Variants in SPOCK1 observed in about 807,000 individuals in gnomAD.
SPOCK1 encodes testican-1.
A neutral mutation model predicts 55.3 loss-of-function variants in SPOCK1; 23 were observed. The ratio of observed to expected loss-of-function variants is 0.42; its 90% confidence interval spans 0.30 to 0.59. The LOEUF (loss-of-function observed/expected upper bound fraction) is 0.59. SPOCK1 is among the 20% of genes least tolerant of loss of function. The pLI is 0.22. For synonymous variants in SPOCK1, 226 were observed against 221.0 expected (o/e 1.02, Z -0.20); for missense variants, 499 against 552.5 (o/e 0.90, Z 0.97).
intron 2 of SPOCK1, among the ~76,000 whole-genome samples, chr5:137,486,536 T>C (rs1026295577): frequency 6.6e-6 from 1 of 152,224 alleles, no homozygotes; most frequent in Non-Finnish European, 1.5e-5. Context: ...CCTAAGTGCA[T>C]AGCACGGTGC....
chr5:137,201,817 C>A (rs1348497012), intron 3 of SPOCK1, among the ~76,000 whole-genome samples: 1 of 152,166 alleles, frequency 6.6e-6, no homozygotes, highest in Non-Finnish European at 1.5e-5. Context: ...CATACCAATA[C>A]TCTATCAACT....
intron 2 of SPOCK1, among the ~76,000 whole-genome samples, chr5:137,445,598 G>A (rs1479470036): frequency 3.9e-5 from 6 of 152,162 alleles, no homozygotes; most frequent in Admixed American, 1.3e-4. Flanking sequence ...CCCAAGAAAG[G>A]TTAATTCAAG....
At chr5:137,263,336 T>C (rs1036197996) in intron 3 of SPOCK1, among the ~76,000 whole-genome samples, 8 of 152,212 alleles carry the variant, frequency 5.3e-5, no homozygotes, top group South Asian at 2.1e-4. Flanking sequence ...AATGGTTTTC[T>C]TGGGGAAGCA....
chr5:137,436,330 G>T (rs1349157609), intron 2 of SPOCK1, among the ~76,000 whole-genome samples: 2 of 152,068 alleles, frequency 1.3e-5, no homozygotes, highest in African/African-American at 4.8e-5. Context: ...TATATAGGGT[G>T]AGGAAAGGCT....
intron 3 of SPOCK1, among the ~76,000 whole-genome samples, chr5:137,193,536 T>C (rs1033871928): frequency 2.0e-5 from 3 of 152,136 alleles, no homozygotes; most frequent in African/African-American, 4.8e-5. Context: ...TTAAGTGAGA[T>C]ACAGAAATCT....
chr5:137,472,573 T>A (rs758910138), intron 2 of SPOCK1, among the ~76,000 whole-genome samples: 30 of 152,218 alleles, frequency 2.0e-4, no homozygotes, highest in Non-Finnish European at 4.3e-4. Flanking sequence ...ACATAACTAA[T>A]GTATATGCCC....
intron 2 of SPOCK1, among the ~76,000 whole-genome samples, chr5:137,298,690 T>C (rs898608776): frequency 6.6e-6 from 1 of 152,188 alleles, no homozygotes; most frequent in East Asian, 1.9e-4. Context: ...TACATACATA[T>C]TGATGACTGT....
chr5:137,198,634 T>A (rs1755350324), intron 3 of SPOCK1, among the ~76,000 whole-genome samples: 1 of 152,250 alleles, frequency 6.6e-6, no homozygotes, highest in South Asian at 2.1e-4. Flanking sequence ...CTAGTAAGAC[T>A]TTAATACTTT....
intron 4 of SPOCK1, among the ~76,000 whole-genome samples, chr5:137,132,871 C>T (rs1352239680): frequency 2.0e-5 from 3 of 152,280 alleles, no homozygotes; most frequent in Non-Finnish European, 2.9e-5. Flanking sequence ...GGCAGAGGCT[C>T]TGGTTCTTGA....
At chr5:137,142,178 T>C (rs1230867854) in intron 3 of SPOCK1, among the ~76,000 whole-genome samples, 2 of 152,170 alleles carry the variant, frequency 1.3e-5, no homozygotes, top group Non-Finnish European at 1.5e-5. Flanking sequence ...TGAGCAGGTA[T>C]AGCAAAACTT....
At chr5:137,304,459 T>C (rs1757665654) in intron 2 of SPOCK1, among the ~76,000 whole-genome samples, 1 of 152,098 alleles carries the variant, frequency 6.6e-6, no homozygotes. Flanking sequence ...GTTTGAAGTG[T>C]GCCAGCTGAA....
chr5:137,472,547 T>A (rs1753757610), intron 2 of SPOCK1, among the ~76,000 whole-genome samples: 1 of 152,214 alleles, frequency 6.6e-6, no homozygotes, highest in African/African-American at 2.4e-5. Flanking sequence ...GGAGTGTAAT[T>A]TGGCAACATT....
intron 3 of SPOCK1, among the ~76,000 whole-genome samples, chr5:137,181,135 G>A (rs769380965): frequency 8.5e-5 from 13 of 152,234 alleles, no homozygotes; most frequent in East Asian, 1.9e-4. Context: ...AAGTGAAAAC[G>A]CTCGATGGAA....
At chr5:137,110,770 CTT>C (rs1351804505) in intron 5 of SPOCK1, among the ~76,000 whole-genome samples, 1 of 152,132 alleles carries the variant, frequency 6.6e-6, no homozygotes, top group Non-Finnish European at 1.5e-5. Context: ...AGAGCCAACT[CTT>C]TTATTCCCAT....
intron 2 of SPOCK1, among the ~76,000 whole-genome samples, chr5:137,313,991 G>A (rs1177121927): frequency 1.3e-5 from 2 of 149,564 alleles, no homozygotes; most frequent in Admixed American, 6.7e-5. Context: ...ACACCCACCT[G>A]CAGACATCCA....
chr5:137,033,129 G>A (rs1452220727), intron 6 of SPOCK1, among the ~76,000 whole-genome samples: 2 of 152,220 alleles, frequency 1.3e-5, no homozygotes, highest in Non-Finnish European at 2.9e-5. Flanking sequence ...TGAGAGCCCA[G>A]TGGGGGTCAG....
intron 8 of SPOCK1, among the ~76,000 whole-genome samples, chr5:136,987,542 C>T (rs1168354382): frequency 6.6e-6 from 1 of 152,162 alleles, no homozygotes; most frequent in Non-Finnish European, 1.5e-5. Flanking sequence ...TTTTAAAAGG[C>T]ACATGCCTTT....
chr5:137,463,675 C>T (rs557012798), intron 2 of SPOCK1, among the ~76,000 whole-genome samples: 36 of 152,248 alleles, frequency 2.4e-4, no homozygotes, highest in South Asian at 8.3e-4. Flanking sequence ...AGAGGCCGGG[C>T]GTGGTTGCTC....
chr5:137,036,411 G>T (rs2126988669), intron 6 of SPOCK1, among the ~76,000 whole-genome samples: 1 of 152,152 alleles, frequency 6.6e-6, no homozygotes, highest in East Asian at 1.9e-4. Flanking sequence ...GATCCCATCT[G>T]CTCCTGTGTC....
Sources: gnomAD v4.1 joint callset for allele counts (sites outside exome capture counted in the v4.1 genomes callset) on GRCh38, gnomAD v4.1.1 for gene constraint, MANE v1.5 for transcripts, NCBI Gene and HGNC (gene_info 2026-07-23, HGNC 2026-07-21) for gene names.